SEPTIN8: variants seen among roughly 807,000 people sequenced by gnomAD.
SEPTIN8 encodes septin-8.
SEPTIN8 carries 22 observed loss-of-function variants against 53.1 expected under a neutral mutation model. The ratio of observed to expected loss-of-function variants is 0.41; its 90% CI spans 0.30 to 0.59. SEPTIN8 has a LOEUF of 0.59. Among genes scored for constraint, SEPTIN8 ranks in the 20% least tolerant of loss-of-function variants. The probability of loss-of-function intolerance (pLI) is 0.24; values close to 1 mark genes in which losing one functional copy is unlikely to be tolerated. For synonymous variants in SEPTIN8, 228 were observed against 248.4 expected (o/e 0.92, Z 0.77); for missense variants, 536 against 638.7 (o/e 0.84, Z 1.73).
At position 132,776,778 on chromosome 5, in the gene SEPTIN8, G is replaced by C. The variant is rs555907897; in HGVS notation, c.30+330C>G. On this transcript the variant is annotated intron_variant, in intron 1 of 9. Coordinates refer to ENST00000378719, the MANE Select transcript of SEPTIN8 (RefSeq NM_001098811.2). This position sits in a 1 kb window ranked among gnomAD's most constrained non-coding sequence, Gnocchi z 4.4. ...TGGGCGATAGGGTCCGGAGTGTCCC[G>C]GACCCTCACCTGCGGCCCCGCGGGC... is the stretch of plus-strand genomic sequence containing the variant. Among the ~76,000 whole-genome samples the C allele has an allele frequency of 6.6e-6, 1 of 152,130 alleles. No individual in the cohort carries two copies. The highest frequency in any genetic ancestry group is 2.4e-5 in the African/African-American group (1 of 41,432).
At position 132,751,428 on chromosome 5, in the gene SEPTIN8, TATC is replaced by T. The variant is rs986942884; in HGVS notation, c.*585_*587del. 2 of 183,630 alleles carry T rather than the reference TATC, an allele frequency of 1.1e-5. No homozygotes were observed. The highest frequency in any genetic ancestry group is 2.4e-5 in the African/African-American group (1 of 41,806). 11.4% of individuals were successfully genotyped at this position (183,630 alleles called of 1,614,324 possible). ...CATATTGATCTGGCACTTAAAAAAA[TATC>T]ATACATTAGTTTGTATTTGTTTTAG... On this transcript the variant is annotated 3_prime_UTR_variant, in exon 10 of 10. Transcript: ENST00000378719.
In SEPTIN8 at chr5:132,761,855, C is replaced by T. The variant is rs1272685929; in HGVS notation, c.738G>A (p.Val246=). 2 of 1,606,264 alleles carry T rather than the reference C, an allele frequency of 1.2e-6. No individual in the cohort carries two copies. The highest frequency in any genetic ancestry group is 1.3e-5 in the African/African-American group (1 of 74,768). The part of the protein sequence containing the change: ...PFAVVGSTEE[V]KVGNKLVRAR... ...CTCGGACCAGCTTGTTCCCCACCTT[C>T]ACCTCCTCGGTGCTGCCCACCACGG... The change falls in exon 6 of 10, where the codon GTG becomes GTA. Residue 246 remains valine, a synonymous_variant. Transcript: ENST00000378719. This position sits in a 1 kb window ranked among gnomAD's most constrained non-coding sequence, Gnocchi z 5.8.
rs1418567347 is a variant in SEPTIN8 at position 132,764,324 on chromosome 5, G to C, written c.247C>G (p.Leu83Val). ...TGGAGGTCATAGGTCTGGGGCCGCA[G>C]GCGCACGCATGCCTCATGGTGACTG... ...EASHHEACVR[L>V]RPQTYDLQES... Residue 83 changes from leucine to valine, a missense_variant, in exon 3 of 10, where the codon CTG becomes GTG. Leu to Val is a conservative substitution (Grantham distance 32). Around this residue, in one of 3 missense-constraint regions of SEPTIN8, gnomAD observed 395 missense variants for 451.8 expected, o/e 0.87. Coordinates refer to ENST00000378719, the MANE Select transcript of SEPTIN8 (RefSeq NM_001098811.2). The C allele has an allele frequency of 6.2e-7, 1 of 1,614,226 alleles. No homozygotes were observed. Among genetic ancestry groups the C allele is most frequent in the Non-Finnish European group, 8.5e-7 (1 of 1,180,032 alleles).
intron 4 of SEPTIN8, 105 bp downstream of exon 4, chr5:132,763,601 C>T (rs1222470533): frequency 1.4e-5 from 15 of 1,106,158 alleles, no homozygotes; most frequent in South Asian, 4.4e-5. Flanking sequence ...CACAAGCCCC[C>T]GACCAGGTCC....
rs1477796700 is a variant in SEPTIN8, at chr5:132,773,427, C to T, written c.30+3681G>A. On this transcript the variant is annotated intron_variant, in intron 1 of 9. Transcript: ENST00000378719. The surrounding 1 kb of genome is among the most constrained non-coding windows in gnomAD (Gnocchi z 4.2). ...GGTAGCTGGACTTGAGCCACAGAGA[C>T]ATTCGTGGTAGTTACTGCCCCAAAT... 1.3e-5 allele frequency among the ~76,000 whole-genome samples: 2 copies of T among 152,220 alleles called. No individual in the cohort carries two copies. Among genetic ancestry groups the T allele is most frequent in the African/African-American group, 4.8e-5 (2 of 41,460 alleles).
Position 132,751,127 on chromosome 5 carries a change from A to G in SEPTIN8, c.*889T>C. 1 of 998,918 alleles carries G rather than the reference A, an allele frequency of 1.0e-6. No individual in the cohort carries two copies. Among genetic ancestry groups the G allele is most frequent in the African/African-American group, 1.6e-5 (1 of 60,942 alleles). 61.9% of individuals were successfully genotyped at this position (998,918 alleles called of 1,614,324 possible). A position where few individuals can be genotyped will look rare whatever the true frequency, so the allele number is the denominator to read the frequency against. On this transcript the variant is annotated 3_prime_UTR_variant, in exon 10 of 10. Transcript: ENST00000378719. ...CACATGCACCACAGTGAGGTGACGC[A>G]CAAGGCTCATGACATACGGAAGAGT...
intron 9 of SEPTIN8, chr5:132,757,887 A>G: frequency 1.0e-6 from 1 of 985,664 alleles, no homozygotes; most frequent in Middle Eastern, 5.2e-4. Flanking sequence ...CAGCCAGGAA[A>G]GAAGCAATGA....
chr5:132,758,450 C>T (rs1345892980), intron 9 of SEPTIN8: 27 of 1,594,378 alleles, frequency 1.7e-5, no homozygotes, highest in Non-Finnish European at 6.0e-6. Context: ...GCCATCTCCA[C>T]GCTGAACAAT....
chr5:132,764,126 C>A, intron 3 of SEPTIN8, 98 bp downstream of exon 3: 1 of 1,308,410 alleles, frequency 7.6e-7, no homozygotes, highest in African/African-American at 1.5e-5. Context: ...AGAGGCCCTC[C>A]CTGGCCCCCT....
At chr5:132,777,292 A>T (rs1757899519), upstream of SEPTIN8, 2 of 1,097,408 alleles carry the variant, frequency 1.8e-6, no homozygotes, top group Non-Finnish European at 2.2e-6. This position sits in a 1 kb window ranked among gnomAD's most constrained non-coding sequence, Gnocchi z 4.1. Flanking sequence ...GCGGCGGGAG[A>T]AGCCGCGGAG....
At chr5:132,766,589 T>G (rs1756628379) in intron 1 of SEPTIN8, among the ~76,000 whole-genome samples, 1 of 152,064 alleles carries the variant, frequency 6.6e-6, no homozygotes, top group South Asian at 2.1e-4. Flanking sequence ...GAGTCATGCC[T>G]CCTCCATTCC....
At chr5:132,756,424 T>A (rs1755347980) in intron 9 of SEPTIN8, 2 of 985,382 alleles carry the variant, frequency 2.0e-6, no homozygotes, top group Non-Finnish European at 2.4e-6. Context: ...TGGTTTATGA[T>A]AAAGACATGA....
upstream of SEPTIN8, chr5:132,777,952 C>G (rs542397280): frequency 2.0e-6 from 2 of 985,482 alleles, no homozygotes; most frequent in South Asian, 9.4e-5. This position sits in a 1 kb window ranked among gnomAD's most constrained non-coding sequence, Gnocchi z 4.1. Context: ...TGTCCATCAC[C>G]CTGCCTGTCC....
At chr5:132,757,505 T>G (rs1755452566) in intron 9 of SEPTIN8, 1 of 985,350 alleles carries the variant, frequency 1.0e-6, no homozygotes, top group Non-Finnish European at 1.2e-6. Flanking sequence ...AAAAGCAAAC[T>G]ACCAATTCCA....
intron 9 of SEPTIN8, chr5:132,757,115 C>G: frequency 4.1e-6 from 4 of 984,754 alleles, no homozygotes; most frequent in Non-Finnish European, 4.8e-6. Flanking sequence ...CTTATTGTGA[C>G]GCTAAGGAAG....
At position 132,761,091 on chromosome 5, in the gene SEPTIN8, C is replaced by T. The variant is rs879169961; in HGVS notation, c.1095+42G>A. ...ACCTCTACCCTCAGCCAGGCCTTCC[C>T]TCCCTCAGCTTCCCCATCCCAGCCC... On this transcript the variant is annotated intron_variant, in intron 8 of 9. Coordinates refer to ENST00000378719, the MANE Select transcript of SEPTIN8 (RefSeq NM_001098811.2). The surrounding 1 kb of genome is among the most constrained non-coding windows in gnomAD (Gnocchi z 5.8). 3.1e-6 allele frequency: 5 copies of T among 1,613,034 alleles called. No individual in the cohort carries two copies. The South Asian group carries it at 4.4e-5, about 14-fold the overall frequency.
intron 9 of SEPTIN8, chr5:132,754,363 G>GT (rs1439636044): frequency 1.5e-5 from 11 of 716,460 alleles, no homozygotes; most frequent in East Asian, 2.7e-5. Context: ...TCCTTCCAGT[G>GT]TAAGTGGGAC....
chr5:132,752,746 C>G, intron 9 of SEPTIN8: 1 of 727,832 alleles, frequency 1.4e-6, no homozygotes, highest in Non-Finnish European at 2.4e-6. Context: ...ATTAGTGGTC[C>G]TTAGTTGGGT....
chr5:132,762,679 T>C, intron 4 of SEPTIN8, 34 bp from the exon 5 acceptor site: 2 of 1,612,274 alleles, frequency 1.2e-6, no homozygotes, highest in Non-Finnish European at 1.7e-6. Context: ...AGCAGGCTGG[T>C]TGGCTCTTTT....
Sources: allele counts gnomAD v4.1 joint callset (sites outside exome capture counted in the v4.1 genomes callset), GRCh38; gene constraint gnomAD v4.1.1; regional missense constraint gnomAD v4.1.1; non-coding constraint Gnocchi (gnomAD v3.1); transcripts MANE v1.5; gene names NCBI Gene and HGNC (gene_info 2026-07-23, HGNC 2026-07-21).